Variants in SUGCT observed in about 807,000 individuals in gnomAD.
The protein encoded by SUGCT is succinyl-CoA:glutarate CoA-transferase.
In SUGCT, 41 loss-of-function variants were observed where a neutral mutation model predicts 55.0. That is an observed-to-expected ratio of 0.74 (90% CI 0.58 to 0.97). The LOEUF is 0.97. Among genes scored for constraint, SUGCT ranks in the 50% least tolerant of loss-of-function variants. SUGCT has a pLI of 0.00. For missense variants in SUGCT, 568 were observed against 547.8 expected, an observed-to-expected ratio of 1.04 and a Z score of -0.37; for synonymous variants, 187 against 200.4, an observed-to-expected ratio of 0.93 and a Z score of 0.56.
chr7:40,719,728 G>A (rs1457585904), intron 12 of SUGCT, among the ~76,000 whole-genome samples: 2 of 152,166 alleles, frequency 1.3e-5, no homozygotes, highest in Non-Finnish European at 2.9e-5. Flanking sequence ...AAATAAAGGT[G>A]CATAAGGGAA....
At chr7:40,809,867 G>T (rs1337731012) in intron 13 of SUGCT, among the ~76,000 whole-genome samples, 1 of 152,118 alleles carries the variant, frequency 6.6e-6, no homozygotes, top group African/African-American at 2.4e-5. Context: ...TTATATGTGA[G>T]AACATATGGT....
intron 13 of SUGCT, among the ~76,000 whole-genome samples, chr7:40,778,676 G>T (rs1056974966): frequency 2.6e-5 from 4 of 151,792 alleles, no homozygotes; most frequent in South Asian, 2.1e-4. Context: ...CAAGGAAGCT[G>T]GTTTGATATG....
At chr7:40,620,680 G>A (rs6980342) in intron 12 of SUGCT, among the ~76,000 whole-genome samples, 64 of 152,290 alleles carry the variant, frequency 4.2e-4, no homozygotes, top group Middle Eastern at 3.4e-3. Flanking sequence ...TGGGATTACA[G>A]GGGTGAGCCA....
chr7:40,312,448 C>T (rs527666099), intron 8 of SUGCT, among the ~76,000 whole-genome samples: 6 of 120,938 alleles, frequency 5.0e-5, no homozygotes, highest in Non-Finnish European at 5.9e-5. Flanking sequence ...ATTAATACTA[C>T]GCTGGTGAAA....
At chr7:40,969,310 C>T in the SUGCT span, among the ~76,000 whole-genome samples, 11 of 152,084 alleles carry the variant, frequency 7.2e-5, no homozygotes, top group South Asian at 2.1e-4. Flanking sequence ...TTCAAATTTA[C>T]GTGTGTTCTA....
At chr7:40,959,983 C>T in the SUGCT span, among the ~76,000 whole-genome samples, 1 of 152,286 alleles carries the variant, frequency 6.6e-6, no homozygotes, top group African/African-American at 2.4e-5. Context: ...CCTGCTTCTG[C>T]TCACCCTCTA....
At chr7:40,987,852 G>C in the SUGCT span, among the ~76,000 whole-genome samples, 1 of 152,054 alleles carries the variant, frequency 6.6e-6, no homozygotes, top group African/African-American at 2.4e-5. Flanking sequence ...GCACAGAGAG[G>C]CCAATGAAAA....
chr7:40,618,685 C>T (rs1006199373), intron 12 of SUGCT, among the ~76,000 whole-genome samples: 1 of 152,146 alleles, frequency 6.6e-6, no homozygotes, highest in Non-Finnish European at 1.5e-5. Flanking sequence ...AAACTTCGTT[C>T]ATAAGGCACT....
At chr7:40,276,754 A>G (rs1427419316) in intron 8 of SUGCT, among the ~76,000 whole-genome samples, 2 of 152,052 alleles carry the variant, frequency 1.3e-5, no homozygotes, top group African/African-American at 4.8e-5. Flanking sequence ...AAACTCATGC[A>G]TATACACACA....
intron 1 of SUGCT, among the ~76,000 whole-genome samples, chr7:40,175,151 A>G (rs572985971): frequency 6.6e-6 from 1 of 151,084 alleles, no homozygotes; most frequent in South Asian, 2.1e-4. Context: ...TTTCTTCTTT[A>G]TTTTTTAGCC....
At chr7:40,575,119 C>CGGGGGGGGGGGGGGGAGGGGGGGGGGGG (rs1210366162) in intron 12 of SUGCT, among the ~76,000 whole-genome samples, 2 of 99,096 alleles carry the variant, frequency 2.0e-5, no homozygotes, top group African/African-American at 9.2e-5. Flanking sequence ...AGGAGGGTGG[C>CGGGGGGGGGGGGGGGAGGGGGGGGGGGG]GGGGGTGGGG....
chr7:40,374,300 A>G lies in SUGCT; in HGVS notation c.816+57445A>G, dbSNP rs541387066. 2.0e-5 allele frequency among the ~76,000 whole-genome samples: 3 copies of G among 152,306 alleles called. No homozygotes were observed. In the East Asian group the frequency reaches 5.8e-4, roughly 29 times the overall value. On this transcript the variant is annotated intron_variant, in intron 9 of 13. Transcript: ENST00000335693. ...CACGTGCTTTCTGTTTTGATCTTCA[A>G]AATGACCCTGTGAGGTGGTAGGTGG...
chr7:40,575,129 G>C (rs534096519), intron 12 of SUGCT, among the ~76,000 whole-genome samples: 2 of 150,174 alleles, frequency 1.3e-5, no homozygotes, highest in African/African-American at 4.9e-5. Context: ...CGGGGGTGGG[G>C]GTGGAGATGG....
At chr7:40,624,664 A>G (rs1799430654) in intron 12 of SUGCT, among the ~76,000 whole-genome samples, 1 of 152,058 alleles carries the variant, frequency 6.6e-6, no homozygotes, top group Non-Finnish European at 1.5e-5. Flanking sequence ...TTAGACTCCT[A>G]TCACGAGTAG....
intron 13 of SUGCT, among the ~76,000 whole-genome samples, chr7:40,835,377 G>C (rs773000714): frequency 5.9e-5 from 9 of 152,110 alleles, no homozygotes; most frequent in Non-Finnish European, 1.3e-4. Context: ...TTCCTTCCAG[G>C]TATATCCTAA....
At chr7:40,492,343 G>A (rs932017365) in intron 11 of SUGCT, among the ~76,000 whole-genome samples, 8 of 152,086 alleles carry the variant, frequency 5.3e-5, no homozygotes, top group African/African-American at 1.9e-4. Context: ...CTAATCAGCA[G>A]ATTTTGGATG....
chr7:40,772,955 T>TCAAG (rs1789253866), intron 13 of SUGCT, among the ~76,000 whole-genome samples: 1 of 152,160 alleles, frequency 6.6e-6, no homozygotes. Context: ...AAATTCTTTA[T>TCAAG]AAAATTACTT....
At chr7:40,480,127 T>C (rs1443453982) in intron 11 of SUGCT, among the ~76,000 whole-genome samples, 3 of 152,096 alleles carry the variant, frequency 2.0e-5, no homozygotes, top group African/African-American at 7.2e-5. Context: ...CCCCCATCTT[T>C]TTCTATTAGT....
At chr7:40,887,705 T>C in the SUGCT span, among the ~76,000 whole-genome samples, 4 of 152,250 alleles carry the variant, frequency 2.6e-5, no homozygotes, top group South Asian at 2.1e-4. Flanking sequence ...GGGAGTTGTC[T>C]GGACTAGAGA....
Sources: allele counts gnomAD v4.1 joint callset (sites outside exome capture counted in the v4.1 genomes callset), GRCh38; gene constraint gnomAD v4.1.1; transcripts MANE v1.5; gene names NCBI Gene and HGNC (gene_info 2026-07-23, HGNC 2026-07-21).